The following UNC5C variants were observed in gnomAD, a reference collection of about 807,000 sequenced individuals.
UNC5C encodes the protein netrin receptor UNC5C.
UNC5C carries 47 observed loss-of-function variants against 99.8 expected under a neutral mutation model. The observed-to-expected ratio is 0.47, with a 90% confidence interval of 0.37 to 0.60. UNC5C has a LOEUF of 0.60. Among genes scored for constraint, UNC5C ranks in the 20% least tolerant of loss-of-function variants. The pLI is 0.00. For missense variants in UNC5C, 1,062 were observed against 1,165.9 expected (o/e 0.91, Z 1.30); for synonymous variants, 487 against 452.2 (o/e 1.08, Z -0.98).
chr4:95,198,708 G>A (rs1737531185), intron 12 of UNC5C, among the ~76,000 whole-genome samples: 1 of 152,116 alleles, frequency 6.6e-6, no homozygotes, highest in African/African-American at 2.4e-5. Flanking sequence ...GGTATGAGAA[G>A]TACTGGCACA....
At chr4:95,388,130 C>T (rs1290717079) in intron 1 of UNC5C, among the ~76,000 whole-genome samples, 1 of 152,070 alleles carries the variant, frequency 6.6e-6, no homozygotes, top group Non-Finnish European at 1.5e-5. Context: ...AGTCTAGGAA[C>T]ATGAAGGATG....
chr4:95,518,406 C>T (rs1722269674), intron 1 of UNC5C, among the ~76,000 whole-genome samples: 1 of 152,166 alleles, frequency 6.6e-6, no homozygotes, highest in South Asian at 2.1e-4. Flanking sequence ...AAGATGTAAA[C>T]TCTGTAAAAC....
In UNC5C at chr4:95,417,021, C is replaced by T. The variant is rs1746184006; in HGVS notation, c.125-81390G>A. 1.3e-5 allele frequency among the ~76,000 whole-genome samples: 2 copies of T among 152,154 alleles called. 1 individual carries two copies. Among genetic ancestry groups the T allele is most frequent in the East Asian group, 3.8e-4 (2 of 5,198 alleles). On this transcript the variant is annotated intron_variant, in intron 1 of 15. Transcript: ENST00000453304. ...ATAAGGTAGATTCTATGACAATTCT[C>T]TTACTGGGGAGAAAAGGGGGCCAAG...
At position 95,182,921 on chromosome 4, in the gene UNC5C, G is replaced by A. The variant is rs778795314; in HGVS notation, c.2427C>T (p.Phe809=). 1.2e-6 allele frequency: 2 copies of A among 1,613,526 alleles called. No homozygotes were observed. Among genetic ancestry groups the A allele is most frequent in the South Asian group, 2.2e-5 (2 of 91,022 alleles). Reference sequence around the variant, plus strand: ...CCTCTGACACGGTGCAGTTGAGCTGGAAGATCTGCCCTTCTCCTTCCACCT... The same window carrying A: ...CCTCTGACACGGTGCAGTTGAGCTGAAAGATCTGCCCTTCTCCTTCCACCT... ...VRQVEGEGQI[F]QLNCTVSEEP... Residue 809 remains phenylalanine (F), a synonymous_variant, in exon 14 of 16, where the codon TTC becomes TTT. Coordinates refer to ENST00000453304, the MANE Select transcript of UNC5C (RefSeq NM_003728.4).
At chr4:95,269,441 C>T (rs1740574998) in intron 4 of UNC5C, among the ~76,000 whole-genome samples, 1 of 152,068 alleles carries the variant, frequency 6.6e-6, no homozygotes, top group Non-Finnish European at 1.5e-5. Flanking sequence ...ACCGCCATGC[C>T]TGGCTAATTT....
At chr4:95,480,806 C>A (rs1353979795) in intron 1 of UNC5C, among the ~76,000 whole-genome samples, 1 of 151,806 alleles carries the variant, frequency 6.6e-6, no homozygotes, top group Non-Finnish European at 1.5e-5. Context: ...CAAAATTCAA[C>A]AACCATTCAT....
chr4:95,310,818 C>G (rs1579315144), intron 2 of UNC5C, among the ~76,000 whole-genome samples: 1 of 152,028 alleles, frequency 6.6e-6, no homozygotes, highest in Non-Finnish European at 1.5e-5. Context: ...GGGGGGATTT[C>G]TAGTGCTTCT....
intron 4 of UNC5C, among the ~76,000 whole-genome samples, chr4:95,263,429 C>A (rs887790706): frequency 4.6e-5 from 7 of 152,112 alleles, no homozygotes; most frequent in African/African-American, 1.7e-4. Flanking sequence ...TGTTACCAAG[C>A]AAGAAATTCT....
rs191892173 is a variant in UNC5C, at chr4:95,340,655, A to T, written c.125-5024T>A. On this transcript the variant is annotated intron_variant, in intron 1 of 15. Coordinates refer to ENST00000453304, the MANE Select transcript of UNC5C (RefSeq NM_003728.4). The stretch of plus-strand genomic sequence containing the variant: ...GAAGTACTGAATGATTTCTAACTTC[A>T]AAACAAACTTTTTTTTGCTTTTAAA... Among the ~76,000 whole-genome samples the T allele has an allele frequency of 6.7e-4, 102 of 152,274 alleles. 1 individual carries two copies. The highest frequency in any genetic ancestry group is 2.3e-3 in the African/African-American group (96 of 41,562).
chr4:95,515,040 T>A (rs993941451), intron 1 of UNC5C, among the ~76,000 whole-genome samples: 3 of 152,150 alleles, frequency 2.0e-5, no homozygotes, highest in Non-Finnish European at 4.4e-5. Context: ...TGAAAGATCT[T>A]AAATATATCT....
At chr4:95,192,371 T>C (rs1219038712) in intron 12 of UNC5C, among the ~76,000 whole-genome samples, 3 of 75,062 alleles carry the variant, frequency 4.0e-5, no homozygotes, top group Admixed American at 1.7e-4. Context: ...CCCTTGCTCA[T>C]CCTCCTCTCC....
chr4:95,402,404 G>A (rs1745726623), intron 1 of UNC5C, among the ~76,000 whole-genome samples: 3 of 152,032 alleles, frequency 2.0e-5, no homozygotes, highest in Admixed American at 2.0e-4. Context: ...CTTCTCTCAG[G>A]GACTTATTTT....
At chr4:95,429,082 A>G (rs912812736) in intron 1 of UNC5C, among the ~76,000 whole-genome samples, 7 of 152,060 alleles carry the variant, frequency 4.6e-5, no homozygotes, top group African/African-American at 1.7e-4. Context: ...AACCCACCAT[A>G]AACAAGGCTT....
intron 1 of UNC5C, among the ~76,000 whole-genome samples, chr4:95,485,666 A>T (rs556965283): frequency 1.4e-4 from 22 of 151,926 alleles, no homozygotes; most frequent in African/African-American, 5.1e-4. Flanking sequence ...GATATAAATT[A>T]TATCTTGATA....
intron 1 of UNC5C, among the ~76,000 whole-genome samples, chr4:95,343,061 AC>A (rs1310632113): frequency 6.6e-6 from 1 of 151,994 alleles, no homozygotes; most frequent in African/African-American, 2.4e-5. Context: ...CCTAGATGTT[AC>A]CTCTGGATCC....
chr4:95,304,406 C>G (rs757945913), intron 2 of UNC5C, among the ~76,000 whole-genome samples: 1 of 152,136 alleles, frequency 6.6e-6, no homozygotes, highest in Non-Finnish European at 1.5e-5. Context: ...AGCAACAATC[C>G]TAGGCCATTA....
chr4:95,409,273 GA>G (rs1431155359), intron 1 of UNC5C, among the ~76,000 whole-genome samples: 1 of 151,524 alleles, frequency 6.6e-6, no homozygotes, highest in African/African-American at 2.4e-5. Context: ...TTATCTTTAG[GA>G]AAAAAAATGA....
At chr4:95,180,266 C>G (rs535821468) in intron 14 of UNC5C, among the ~76,000 whole-genome samples, 2 of 152,162 alleles carry the variant, frequency 1.3e-5, no homozygotes, top group Admixed American at 1.3e-4. Context: ...ATGGAACAGC[C>G]TACTTGGGAA....
chr4:95,273,479 ATTAAT>A (rs1168396453), intron 4 of UNC5C, among the ~76,000 whole-genome samples: 1 of 152,214 alleles, frequency 6.6e-6, no homozygotes, highest in African/African-American at 2.4e-5. Flanking sequence ...AGCAAAGAGG[ATTAAT>A]TTCATAGAGT....
Sources: gnomAD v4.1 joint callset for allele counts (sites outside exome capture counted in the v4.1 genomes callset) on GRCh38, gnomAD v4.1.1 for gene constraint, MANE v1.5 for transcripts, NCBI Gene and HGNC (gene_info 2026-07-23, HGNC 2026-07-21) for gene names.